Variants in PCDH19 observed in about 807,000 individuals in gnomAD.
PCDH19 encodes the protein protocadherin 19.
Under a neutral mutation model 46.2 loss-of-function variants are expected in PCDH19, and 6 were observed. That is an observed-to-expected ratio of 0.13 (90% CI 0.07 to 0.26). PCDH19 has a LOEUF of 0.26. PCDH19 is among the 10% of genes least tolerant of loss of function. PCDH19 has a pLI of 1.00. For missense variants in PCDH19, 740 were observed against 972.3 expected (o/e 0.76, Z 3.18); for synonymous variants, 481 against 415.7 (o/e 1.16, Z -1.91).
In PCDH19 at chrX:100,299,770, A is replaced by G. The variant is rs56821350; in HGVS notation, c.2849-2895T>C. The stretch of plus-strand genomic sequence containing the variant: ...CTAAGCCTCCCCACCAAGCTCACTG[A>G]GCCTACCTCAGCTCCATATGAGCTG... On this transcript the variant is annotated intron_variant, in intron 5 of 5. Coordinates refer to ENST00000373034, the MANE Select transcript of PCDH19 (RefSeq NM_001184880.2). 4.1e-3 allele frequency among the ~76,000 whole-genome samples: 456 copies of G among 112,157 alleles called. 3 individuals are homozygous for G. Among genetic ancestry groups the G allele is most frequent in the African/African-American group, 0.014 (440 of 30,908 alleles).
Position 100,342,042 on chromosome X carries a change from G to A in PCDH19, c.2709C>T (p.Ser903=), listed in dbSNP as rs1352926167. 2 of 1,210,079 alleles carry A rather than the reference G, an allele frequency of 1.7e-6. No homozygotes were observed. Among genetic ancestry groups the A allele is most frequent in the Middle Eastern group, 4.6e-4 (2 of 4,348 alleles). Residue 903 remains serine (S), a synonymous_variant, in exon 5 of 6, where the codon AGC becomes AGT. Coordinates refer to ENST00000373034, the MANE Select transcript of PCDH19 (RefSeq NM_001184880.2). ...SSTFKDLEGN[S]LKDSGHEESD... ...TCTCCTCATGTCCACTATCCTTCAG[G>A]CTGTTGCCCTCTAAGTCCTTGAAGG...
intron 5 of PCDH19, among the ~76,000 whole-genome samples, chrX:100,321,539 CAT>C (rs575248739): frequency 1.8e-5 from 2 of 111,469 alleles, no homozygotes; most frequent in Admixed American, 9.5e-5. Context: ...AGCATTTTTT[CAT>C]ATGTTTGTTG....
chrX:100,395,100 G>A (rs1211689078), intron 3 of PCDH19, among the ~76,000 whole-genome samples: 1 of 110,236 alleles, frequency 9.1e-6, no homozygotes, highest in Non-Finnish European at 1.9e-5. Context: ...TTTTAGCCGG[G>A]ATGGTCTCGA....
At chrX:100,359,799 GTGTGTGTGTGTA>G (rs1265818946) in intron 3 of PCDH19, among the ~76,000 whole-genome samples, 1 of 92,947 alleles carries the variant, frequency 1.1e-5, no homozygotes, top group Non-Finnish European at 2.3e-5. Flanking sequence ...AAGAGTGTGT[GTGTGTGTGTGTA>G]TGTGTGTGTG....
chrX:100,358,336 T>G (rs781391537), intron 3 of PCDH19, among the ~76,000 whole-genome samples: 1 of 112,189 alleles, frequency 8.9e-6, no homozygotes, highest in South Asian at 3.7e-4. Flanking sequence ...AGGACAGGAC[T>G]ATCAATGAGA....
At position 100,354,687 on chromosome X, in the gene PCDH19, CT is replaced by C. The variant is rs1010734131; in HGVS notation, c.2617-3984del. 5.9e-4 allele frequency among the ~76,000 whole-genome samples: 63 copies of C among 106,196 alleles called. 1 individual carries two copies. In the Middle Eastern group the frequency reaches 0.014, roughly 24 times the overall value. The allele number at this position is 106,196 out of a possible 115,157, so 92.2% of individuals were successfully genotyped here. ...TACATTCTTTAAAATAATACAAGAG[CT>C]TTTTTTTTTGCATGAATGTATTGGC... On this transcript the variant is annotated intron_variant, in intron 3 of 5. Coordinates refer to ENST00000373034, the MANE Select transcript of PCDH19 (RefSeq NM_001184880.2).
chrX:100,402,435 A>C, intron 3 of PCDH19, 89 bp downstream of exon 3: 1 of 778,287 alleles, frequency 1.3e-6, no homozygotes, highest in East Asian at 3.3e-5. Context: ...CTGCCAGGGG[A>C]TGTGCCAGCA....
intron 3 of PCDH19, among the ~76,000 whole-genome samples, chrX:100,376,408 G>A (rs186470530): frequency 9.0e-6 from 1 of 110,689 alleles, no homozygotes; most frequent in African/African-American, 3.3e-5. Flanking sequence ...TTCCTTCCAG[G>A]GATTTTTTTT....
At chrX:100,332,437 G>T (rs952622209) in intron 5 of PCDH19, among the ~76,000 whole-genome samples, 1 of 108,096 alleles carries the variant, frequency 9.3e-6, no homozygotes, top group African/African-American at 3.4e-5. Context: ...CAGGAGAATA[G>T]CTTGAACCCG....
At chrX:100,398,730 G>A (rs1928093431) in intron 3 of PCDH19, among the ~76,000 whole-genome samples, 1 of 112,162 alleles carries the variant, frequency 8.9e-6, no homozygotes, top group African/African-American at 3.2e-5. Context: ...AATGCTTGCT[G>A]ACTTGATCTA....
chrX:100,308,283 G>A (rs1371318414), intron 5 of PCDH19, among the ~76,000 whole-genome samples: 1 of 111,157 alleles, frequency 9.0e-6, no homozygotes, highest in Non-Finnish European at 1.9e-5. Flanking sequence ...AACAAAGTGG[G>A]GGAAAGACAC....
chrX:100,379,103 T>C (rs1927466882), intron 3 of PCDH19, among the ~76,000 whole-genome samples: 1 of 111,011 alleles, frequency 9.0e-6, no homozygotes, highest in Non-Finnish European at 1.9e-5. Context: ...AGAAGTCAGA[T>C]TAGGGAAGAA....
intron 5 of PCDH19, among the ~76,000 whole-genome samples, chrX:100,306,467 A>T (rs1924948752): frequency 9.0e-6 from 1 of 111,558 alleles, no homozygotes; most frequent in Non-Finnish European, 1.9e-5. Context: ...AAGTCTGAAA[A>T]GGCAAAAATA....
At chrX:100,374,669 G>A (rs759389189) in intron 3 of PCDH19, among the ~76,000 whole-genome samples, 5 of 112,375 alleles carry the variant, frequency 4.4e-5, no homozygotes, top group Non-Finnish European at 9.4e-5. Flanking sequence ...GCCAAGCGCA[G>A]TGGCTCACGC....
intron 3 of PCDH19, among the ~76,000 whole-genome samples, chrX:100,351,710 A>C (rs1926575771): frequency 8.9e-6 from 1 of 112,380 alleles, no homozygotes; most frequent in Non-Finnish European, 1.9e-5. Flanking sequence ...AATTACTTCA[A>C]CTGGGAGTGT....
chrX:100,331,039 C>T (rs1034637870), intron 5 of PCDH19, among the ~76,000 whole-genome samples: 1 of 111,996 alleles, frequency 8.9e-6, no homozygotes, highest in African/African-American at 3.2e-5. Context: ...ATTCTTTTGG[C>T]CCCTTCCAGA....
Position 100,394,497 on chromosome X carries a change from C to G in PCDH19, c.2616+8027G>C, listed in dbSNP as rs779662004. 1.9e-4 allele frequency among the ~76,000 whole-genome samples: 21 copies of G among 111,584 alleles called. No individual in the cohort carries two copies. The South Asian group carries it at 2.6e-3, about 14-fold the overall frequency. On this transcript the variant is annotated intron_variant, in intron 3 of 5. Coordinates refer to ENST00000373034, the MANE Select transcript of PCDH19 (RefSeq NM_001184880.2). Reference sequence around the variant, plus strand: ...CTTGGGGAGCTTTCATAATCTGAGACAGCAAAGGGGAAGCCATCTCTTCAG... The same window carrying G: ...CTTGGGGAGCTTTCATAATCTGAGAGAGCAAAGGGGAAGCCATCTCTTCAG...
At chrX:100,381,325 G>A (rs1359641411) in intron 3 of PCDH19, among the ~76,000 whole-genome samples, 1 of 112,157 alleles carries the variant, frequency 8.9e-6, no homozygotes, top group Non-Finnish European at 1.9e-5. Context: ...CAGAGACATT[G>A]AAAGTCTTCC....
chrX:100,395,091 T>C (rs910315203), intron 3 of PCDH19, among the ~76,000 whole-genome samples: 1 of 109,194 alleles, frequency 9.2e-6, no homozygotes, highest in Non-Finnish European at 1.9e-5. Context: ...GTTTCACCGT[T>C]TTAGCCGGGA....
Sources: allele counts gnomAD v4.1 joint callset (sites outside exome capture counted in the v4.1 genomes callset), GRCh38; gene constraint gnomAD v4.1.1; transcripts MANE v1.5; gene names NCBI Gene and HGNC (gene_info 2026-07-23, HGNC 2026-07-21).